The following SLC35F1 variants were observed in gnomAD, a reference collection of about 807,000 sequenced individuals.
SLC35F1 encodes the protein chromosome 6 open reading frame 169.
A neutral mutation model predicts 48.7 loss-of-function variants in SLC35F1; 14 were observed. The observed-to-expected ratio is 0.29, with a 90% CI of 0.19 to 0.45. SLC35F1 has a LOEUF of 0.45. Ranked by LOEUF, SLC35F1 falls within the 20% of genes least tolerant of loss-of-function variation. The pLI is 1.00. For synonymous variants in SLC35F1, 190 were observed against 202.2 expected (o/e 0.94, Z 0.51); for missense variants, 404 against 500.0 (o/e 0.81, Z 1.83).
At chr6:118,193,542 T>C (rs1774760889) in intron 2 of SLC35F1, among the ~76,000 whole-genome samples, 1 of 152,186 alleles carries the variant, frequency 6.6e-6, no homozygotes, top group African/African-American at 2.4e-5. Context: ...AATCCACATT[T>C]TTATGCATTC....
chr6:117,960,944 GC>G (rs1484657772), intron 1 of SLC35F1, among the ~76,000 whole-genome samples: 3 of 152,100 alleles, frequency 2.0e-5, no homozygotes, highest in African/African-American at 7.2e-5. Context: ...AAAGACATGT[GC>G]CATATGATAC....
At chr6:118,307,688 C>A (rs1046371003) in intron 7 of SLC35F1, among the ~76,000 whole-genome samples, 4 of 152,248 alleles carry the variant, frequency 2.6e-5, no homozygotes, top group Admixed American at 2.6e-4. Flanking sequence ...CAGGCATCAA[C>A]TTGTTTGTGT....
At chr6:118,265,325 C>A (rs78770273) in intron 3 of SLC35F1, among the ~76,000 whole-genome samples, 6,072 of 152,218 alleles carry the variant, frequency 0.04, 413 homozygotes, top group African/African-American at 0.14. Context: ...TATATTTGTT[C>A]AATAACTCTT....
At chr6:118,127,192 G>A (rs1242022984) in intron 1 of SLC35F1, among the ~76,000 whole-genome samples, 3 of 151,608 alleles carry the variant, frequency 2.0e-5, no homozygotes, top group South Asian at 2.1e-4. Flanking sequence ...TAGCATGAAG[G>A]GTTGTTGAAT....
intron 7 of SLC35F1, among the ~76,000 whole-genome samples, chr6:118,303,601 C>G (rs1776279047): frequency 6.6e-6 from 1 of 152,160 alleles, no homozygotes; most frequent in South Asian, 2.1e-4. Flanking sequence ...TCGTGGTACT[C>G]TATGCTTCTC....
At chr6:118,035,835 C>A (rs1256301424) in intron 1 of SLC35F1, among the ~76,000 whole-genome samples, 20 of 1,236 alleles carry the variant, frequency 0.016, no homozygotes, top group Middle Eastern at 0.17. Flanking sequence ...ACTACAGGCG[C>A]CCCCCCAACC....
intron 2 of SLC35F1, among the ~76,000 whole-genome samples, chr6:118,208,059 CCTCT>C (rs376210173): frequency 4.4e-4 from 66 of 149,266 alleles, no homozygotes; most frequent in African/African-American, 1.5e-3. Flanking sequence ...GAGCCCCCCT[CCTCT>C]CTCTCTCTCT....
At chr6:118,187,050 C>T (rs1294639223) in intron 2 of SLC35F1, among the ~76,000 whole-genome samples, 1 of 152,160 alleles carries the variant, frequency 6.6e-6, no homozygotes, top group African/African-American at 2.4e-5. Context: ...CTCTCTGGAC[C>T]TTTATTCTGG....
chr6:118,093,188 C>T (rs992810144), intron 1 of SLC35F1, among the ~76,000 whole-genome samples: 1 of 152,036 alleles, frequency 6.6e-6, no homozygotes, highest in Non-Finnish European at 1.5e-5. Flanking sequence ...TGGTGACATG[C>T]ACCTGTAGTC....
intron 5 of SLC35F1, 62 bp downstream of exon 5, chr6:118,275,677 T>G: frequency 6.5e-7 from 1 of 1,532,478 alleles, no homozygotes; most frequent in Non-Finnish European, 8.9e-7. Flanking sequence ...TTCTTACAAT[T>G]TTTGTTCTTG....
intron 2 of SLC35F1, among the ~76,000 whole-genome samples, chr6:118,210,541 A>C (rs1291600852): frequency 6.6e-6 from 1 of 152,202 alleles, no homozygotes; most frequent in Admixed American, 6.6e-5. Context: ...GTAACTTAGG[A>C]TCTGATTTCC....
intron 3 of SLC35F1, among the ~76,000 whole-genome samples, chr6:118,240,828 A>T (rs991537336): frequency 6.6e-6 from 1 of 152,158 alleles, no homozygotes; most frequent in Non-Finnish European, 1.5e-5. Context: ...TGAGGTTCCG[A>T]GCAGGGTCGT....
At chr6:118,188,429 A>G (rs935644406) in intron 2 of SLC35F1, among the ~76,000 whole-genome samples, 1 of 152,134 alleles carries the variant, frequency 6.6e-6, no homozygotes, top group Non-Finnish European at 1.5e-5. Flanking sequence ...ATGCACCTGT[A>G]ATCCCAGCTA....
chr6:118,268,807 A>G (rs1057359477), intron 4 of SLC35F1, among the ~76,000 whole-genome samples: 4 of 151,836 alleles, frequency 2.6e-5, no homozygotes, highest in African/African-American at 7.3e-5. Context: ...ACGGGGTTTC[A>G]TCACATTGAC....
chr6:118,035,974 G>T (rs895528239), intron 1 of SLC35F1, among the ~76,000 whole-genome samples: 7 of 152,030 alleles, frequency 4.6e-5, no homozygotes, highest in Non-Finnish European at 1.0e-4. Flanking sequence ...TTACAGGCGT[G>T]AGCCACCGCA....
intron 3 of SLC35F1, among the ~76,000 whole-genome samples, chr6:118,249,461 C>T (rs1339732923): frequency 1.3e-5 from 2 of 152,214 alleles, no homozygotes; most frequent in East Asian, 1.9e-4. Flanking sequence ...CAATGACAGA[C>T]GTGCTCATTT....
At chr6:117,933,977 A>G (rs1582571565) in intron 1 of SLC35F1, among the ~76,000 whole-genome samples, 1 of 152,064 alleles carries the variant, frequency 6.6e-6, no homozygotes, top group Non-Finnish European at 1.5e-5. Flanking sequence ...GGAAATAACA[A>G]AAGTGGAAAT....
At chr6:118,066,972 A>G (rs1221648733) in intron 1 of SLC35F1, among the ~76,000 whole-genome samples, 4 of 152,124 alleles carry the variant, frequency 2.6e-5, no homozygotes, top group Admixed American at 1.3e-4. Context: ...CAAGCACCAT[A>G]GGTACCATAG....
intron 4 of SLC35F1, among the ~76,000 whole-genome samples, chr6:118,270,255 A>G (rs1775833954): frequency 6.6e-6 from 1 of 152,138 alleles, no homozygotes; most frequent in Admixed American, 6.5e-5. Context: ...ATGTTTCTTC[A>G]TTAGCTATCC....
Sources: allele counts gnomAD v4.1 joint callset (sites outside exome capture counted in the v4.1 genomes callset), GRCh38; gene constraint gnomAD v4.1.1; transcripts MANE v1.5; gene names NCBI Gene and HGNC (gene_info 2026-07-23, HGNC 2026-07-21).